The following SDK1 variants were observed in gnomAD, a reference collection of about 807,000 sequenced individuals.
The protein encoded by SDK1 is sidekick cell adhesion molecule 1, also known as protein sidekick-1.
A neutral mutation model predicts 245.5 loss-of-function variants in SDK1; 157 were observed. The ratio of observed to expected loss-of-function variants is 0.64; its 90% CI spans 0.56 to 0.73. The LOEUF (loss-of-function observed/expected upper bound fraction) is 0.73. Ranked by LOEUF, SDK1 falls within the 30% of genes least tolerant of loss-of-function variation. The pLI is 0.00. For missense variants in SDK1, 3,583 were observed against 3,002.3 expected, an observed-to-expected ratio of 1.19 and a Z score of -4.52; for synonymous variants, 1,647 against 1,278.5, an observed-to-expected ratio of 1.29 and a Z score of -6.15.
intron 4 of SDK1, among the ~76,000 whole-genome samples, chr7:3,673,886 T>G (rs909543702): frequency 2.0e-5 from 3 of 152,230 alleles, no homozygotes; most frequent in African/African-American, 7.2e-5. Context: ...ATTGATGAAC[T>G]GATTATAAAG....
intron 1 of SDK1, among the ~76,000 whole-genome samples, chr7:3,320,501 CTTGG>C (rs1000779637): frequency 6.6e-6 from 1 of 152,136 alleles, no homozygotes; most frequent in African/African-American, 2.4e-5. Flanking sequence ...CTGCTCCCAC[CTTGG>C]TTGGTATATG....
intron 1 of SDK1, among the ~76,000 whole-genome samples, chr7:3,586,068 T>TTGATGGTGGGG (rs1780677868): frequency 6.6e-6 from 1 of 151,988 alleles, no homozygotes; most frequent in Admixed American, 6.5e-5. Flanking sequence ...GGAATTGCCT[T>TTGATGGTGGGG]TGATGGTGGG....
intron 4 of SDK1, among the ~76,000 whole-genome samples, chr7:3,780,574 C>G (rs929252661): frequency 2.6e-5 from 4 of 152,216 alleles, no homozygotes; most frequent in East Asian, 3.8e-4. Context: ...TCCTAGAATG[C>G]TATTCTCCCT....
At chr7:3,702,394 C>G (rs368293385) in intron 4 of SDK1, among the ~76,000 whole-genome samples, 1 of 152,200 alleles carries the variant, frequency 6.6e-6, no homozygotes, top group Non-Finnish European at 1.5e-5. Context: ...TTTCAACTCA[C>G]TTCTTGGAAG....
chr7:4,227,642 G>T (rs1785520176), intron 40 of SDK1, among the ~76,000 whole-genome samples: 1 of 152,220 alleles, frequency 6.6e-6, no homozygotes, highest in South Asian at 2.1e-4. Context: ...GGCAGTGAAT[G>T]ACGGTTTCAT....
chr7:3,405,377 A>C (rs967037674), intron 1 of SDK1, among the ~76,000 whole-genome samples: 1 of 152,112 alleles, frequency 6.6e-6, no homozygotes, highest in African/African-American at 2.4e-5. Flanking sequence ...CACAGATTTT[A>C]AACACTGAAG....
At chr7:3,653,527 A>G (rs1488539615) in intron 4 of SDK1, among the ~76,000 whole-genome samples, 1 of 152,138 alleles carries the variant, frequency 6.6e-6, no homozygotes, top group African/African-American at 2.4e-5. Flanking sequence ...TAAAGCCACC[A>G]GGGAGGGTGG....
chr7:3,789,411 G>T (rs1781012516), intron 4 of SDK1, among the ~76,000 whole-genome samples: 1 of 152,204 alleles, frequency 6.6e-6, no homozygotes, highest in Non-Finnish European at 1.5e-5. Flanking sequence ...GCCTCCCAAA[G>T]TGCTGGGATT....
At position 4,028,726 on chromosome 7, in the gene SDK1, C is replaced by G. The variant is rs935557365; in HGVS notation, c.2602+11374C>G. Among the ~76,000 whole-genome samples the G allele has an allele frequency of 2.6e-5, 4 of 152,320 alleles. No homozygotes were observed. In the South Asian group the frequency reaches 6.2e-4, roughly 24 times the overall value. On this transcript the variant is annotated intron_variant, in intron 17 of 44. Coordinates refer to ENST00000404826, the MANE Select transcript of SDK1 (RefSeq NM_152744.4). ...CACACTGACTTCCAGTCAAGTATCC[C>G]TTTTCTTCTGGTTTTGATCGGCTCC... is the stretch of plus-strand genomic sequence containing the variant.
At chr7:3,906,675 T>A (rs1189197201) in intron 5 of SDK1, among the ~76,000 whole-genome samples, 1 of 130,292 alleles carries the variant, frequency 7.7e-6, no homozygotes, top group East Asian at 2.5e-4. Context: ...TCGCCCAGGC[T>A]GGAGTGCAGT....
At chr7:3,494,848 A>G (rs1162628146) in intron 1 of SDK1, among the ~76,000 whole-genome samples, 2 of 152,238 alleles carry the variant, frequency 1.3e-5, no homozygotes, top group Non-Finnish European at 2.9e-5. Flanking sequence ...CTTAATGTGT[A>G]TAAGAAGTGA....
At chr7:3,655,138 A>G (rs964508445) in intron 4 of SDK1, among the ~76,000 whole-genome samples, 6 of 151,784 alleles carry the variant, frequency 4.0e-5, no homozygotes, top group East Asian at 1.9e-4. Context: ...AATGCATATA[A>G]TAGTATGTAC....
At chr7:3,536,496 G>A (rs942017981) in intron 1 of SDK1, among the ~76,000 whole-genome samples, 2 of 151,962 alleles carry the variant, frequency 1.3e-5, no homozygotes, top group Non-Finnish European at 2.9e-5. Context: ...TGGCCAACTT[G>A]GCGAAACCCT....
intron 1 of SDK1, among the ~76,000 whole-genome samples, chr7:3,393,516 T>A (rs1174741908): frequency 6.6e-6 from 1 of 152,146 alleles, no homozygotes; most frequent in Non-Finnish European, 1.5e-5. Flanking sequence ...TGCAGCACAG[T>A]CAAGTGAAAA....
chr7:3,688,527 T>C (rs1007984213), intron 4 of SDK1, among the ~76,000 whole-genome samples: 2 of 152,166 alleles, frequency 1.3e-5, no homozygotes, highest in Non-Finnish European at 2.9e-5. Context: ...TTTGCTGCCG[T>C]TGTTAGTATT....
At chr7:3,369,096 G>A (rs1375305399) in intron 1 of SDK1, among the ~76,000 whole-genome samples, 2 of 151,710 alleles carry the variant, frequency 1.3e-5, no homozygotes, top group South Asian at 2.1e-4. Flanking sequence ...CCAGGCTGGT[G>A]TGCAATGGTG....
rs543205939 is a variant in SDK1 at position 4,204,783 on chromosome 7, G to C, written c.5099-1096G>C. On this transcript the variant is annotated intron_variant, in intron 35 of 44. Coordinates refer to ENST00000404826, the MANE Select transcript of SDK1 (RefSeq NM_152744.4). ...CACAGCTGCCCTGGAGCTCCCCAGG[G>C]CCCAGCTCATGGACAGCCGGGAGAG... Among the ~76,000 whole-genome samples, 60 of 152,338 alleles carry C rather than the reference G, an allele frequency of 3.9e-4. 2 individuals are homozygous for C. The South Asian group carries it at 0.012, about 32-fold the overall frequency.
At chr7:3,946,494 T>C (rs2128123543) in intron 5 of SDK1, among the ~76,000 whole-genome samples, 1 of 152,092 alleles carries the variant, frequency 6.6e-6, no homozygotes, top group South Asian at 2.1e-4. Flanking sequence ...TTTTTTTTTC[T>C]TGGATAGAGA....
At chr7:3,689,829 A>G (rs904372851) in intron 4 of SDK1, among the ~76,000 whole-genome samples, 42 of 152,232 alleles carry the variant, frequency 2.8e-4, no homozygotes, top group South Asian at 4.1e-4. Context: ...GTCTGTGTCT[A>G]CACAGGCCCA....
Sources: gnomAD v4.1 joint callset for allele counts (sites outside exome capture counted in the v4.1 genomes callset) on GRCh38, gnomAD v4.1.1 for gene constraint, MANE v1.5 for transcripts, NCBI Gene and HGNC (gene_info 2026-07-23, HGNC 2026-07-21) for gene names.